Variants in RFPL1 observed in about 807,000 individuals in gnomAD.
RFPL1 encodes ret finger protein like 1.
In RFPL1, 6 loss-of-function variants were observed where a neutral mutation model predicts 9.6. The ratio of observed to expected loss-of-function variants is 0.62; its 90% CI spans 0.34 to 1.23. The LOEUF is 1.23. Among genes scored for constraint, RFPL1 ranks in the 50% most tolerant of loss-of-function variants. RFPL1 has a pLI of 0.03. For missense variants in RFPL1, 352 were observed against 398.4 expected (o/e 0.88, Z 0.99); for synonymous variants, 145 against 149.4 (o/e 0.97, Z 0.22).
chr22:29,434,415 A>G (rs1421302603), upstream of RFPL1: 1 of 154,958 alleles, frequency 6.5e-6, no homozygotes, highest in African/African-American at 2.4e-5. Flanking sequence ...CTATTTGCTG[A>G]TTTACCTTTT....
At chr22:29,410,324 ATG>A in the RFPL1 span, among the ~76,000 whole-genome samples, 1 of 89,248 alleles carries the variant, frequency 1.1e-5, no homozygotes, top group Non-Finnish European at 2.0e-5. Context: ...AGATATATAT[ATG>A]TAGATATATA....
chr22:29,419,801 CAAA>C, the RFPL1 span, among the ~76,000 whole-genome samples: 2 of 64,110 alleles, frequency 3.1e-5, no homozygotes, highest in African/African-American at 6.0e-5. Context: ...ATCCTCTCTC[CAAA>C]AAAAAAAAAA....
chr22:29,420,280 A>AT, the RFPL1 span, among the ~76,000 whole-genome samples: 3 of 152,240 alleles, frequency 2.0e-5, no homozygotes, highest in Non-Finnish European at 2.9e-5. Flanking sequence ...CCATGGACAG[A>AT]TAGTCAGGAC....
chr22:29,398,950 C>T, the RFPL1 span, among the ~76,000 whole-genome samples: 1 of 152,118 alleles, frequency 6.6e-6, no homozygotes, highest in Non-Finnish European at 1.5e-5. Context: ...CTCTTGACTC[C>T]CTTACTAGAA....
the RFPL1 span, among the ~76,000 whole-genome samples, chr22:29,423,831 C>T: frequency 6.6e-6 from 1 of 152,186 alleles, no homozygotes; most frequent in Non-Finnish European, 1.5e-5. Context: ...ATAGCAGTTC[C>T]CAAATCTACC....
the RFPL1 span, among the ~76,000 whole-genome samples, chr22:29,402,623 T>C: frequency 6.6e-6 from 1 of 151,766 alleles, no homozygotes; most frequent in Non-Finnish European, 1.5e-5. Flanking sequence ...AACTAACACT[T>C]GTAAGACAGG....
At chr22:29,440,206 G>A (rs887738139) in intron 1 of RFPL1, 4 of 152,174 alleles carry the variant, frequency 2.6e-5, no homozygotes, top group Admixed American at 6.5e-5. Flanking sequence ...CTGAAATATG[G>A]AGGACAGATT....
At chr22:29,403,531 G>C in the RFPL1 span, among the ~76,000 whole-genome samples, 18 of 152,086 alleles carry the variant, frequency 1.2e-4, no homozygotes, top group Admixed American at 1.2e-3. Context: ...CAGCTAGGAG[G>C]CTGGTGGCGA....
At chr22:29,390,909 T>C in the RFPL1 span, among the ~76,000 whole-genome samples, 11 of 151,408 alleles carry the variant, frequency 7.3e-5, no homozygotes, top group East Asian at 1.4e-3. Flanking sequence ...CCTTATTCCA[T>C]TTTTAAATCC....
At chr22:29,406,151 A>AAAAAAAAAAC in the RFPL1 span, among the ~76,000 whole-genome samples, 1 of 137,178 alleles carries the variant, frequency 7.3e-6, no homozygotes, top group African/African-American at 2.8e-5. Flanking sequence ...AAAAAATAAA[A>AAAAAAAAAAC]AAAAAGAAAT....
At chr22:29,404,468 T>C in the RFPL1 span, among the ~76,000 whole-genome samples, 1 of 152,030 alleles carries the variant, frequency 6.6e-6, no homozygotes, top group South Asian at 2.1e-4. Context: ...GAATTTTCCT[T>C]GTGTCACATA....
chr22:29,426,230 G>A, the RFPL1 span, among the ~76,000 whole-genome samples: 3 of 152,006 alleles, frequency 2.0e-5, no homozygotes, highest in Non-Finnish European at 4.4e-5. Context: ...GGCTGAGGCA[G>A]GAGAATCGCT....
the RFPL1 span, among the ~76,000 whole-genome samples, chr22:29,418,406 C>T: frequency 0.2 from 30,349 of 151,944 alleles, 3,605 homozygotes; most frequent in East Asian, 0.4. Context: ...ATTTTACTTG[C>T]ACCACACAGT....
At chr22:29,423,607 G>A in the RFPL1 span, among the ~76,000 whole-genome samples, 1 of 152,124 alleles carries the variant, frequency 6.6e-6, no homozygotes, top group African/African-American at 2.4e-5. Context: ...CCCTTTGTGG[G>A]ACCCACTTTG....
chr22:29,400,289 C>T, the RFPL1 span, among the ~76,000 whole-genome samples: 1 of 152,188 alleles, frequency 6.6e-6, no homozygotes, highest in Admixed American at 6.5e-5. Context: ...AGCCACCACG[C>T]CCGGCCTATC....
At chr22:29,417,916 C>T in the RFPL1 span, among the ~76,000 whole-genome samples, 13 of 142,708 alleles carry the variant, frequency 9.1e-5, no homozygotes, top group African/African-American at 2.3e-4. Flanking sequence ...GGCAGGAATG[C>T]GGGGAAGGCA....
At chr22:29,423,911 TA>T in the RFPL1 span, among the ~76,000 whole-genome samples, 38 of 152,306 alleles carry the variant, frequency 2.5e-4, no homozygotes, top group African/African-American at 7.7e-4. Context: ...AGTACTATTG[TA>T]AGACAATAAG....
chr22:29,434,530 C>G (rs73881515), upstream of RFPL1: 1,239 of 156,378 alleles, frequency 7.9e-3, 20 homozygotes, highest in African/African-American at 0.028. Flanking sequence ...TAGAACCGCA[C>G]AGAGTATGCC....
the RFPL1 span, among the ~76,000 whole-genome samples, chr22:29,429,153 C>T: frequency 5.6e-4 from 85 of 152,126 alleles, 2 homozygotes; most frequent in Non-Finnish European, 2.8e-4. Flanking sequence ...ACTCCAGGCT[C>T]AAGCAATCCT....
Sources: allele counts gnomAD v4.1 joint callset (sites outside exome capture counted in the v4.1 genomes callset), GRCh38; gene constraint gnomAD v4.1.1; transcripts MANE v1.5; gene names NCBI Gene and HGNC (gene_info 2026-07-23, HGNC 2026-07-21).